PCDHGC5: variants seen among roughly 807,000 people sequenced by gnomAD.
The protein encoded by PCDHGC5 is protocadherin gamma subfamily C, 5.
In PCDHGC5, 25 loss-of-function variants were observed where a neutral mutation model predicts 59.0. The ratio of observed to expected loss-of-function variants is 0.42; its 90% CI spans 0.31 to 0.59. PCDHGC5 has a LOEUF of 0.59. Ranked by LOEUF, PCDHGC5 falls within the 20% of genes least tolerant of loss-of-function variation. PCDHGC5 has a pLI of 0.13. For synonymous variants in PCDHGC5, 434 were observed against 505.5 expected (o/e 0.86, Z 1.90); for missense variants, 1,067 against 1,206.4 (o/e 0.88, Z 1.71).
chr5:141,510,833 C>T (rs2099882936), intron 3 of PCDHGC5, 114 bp from the exon 4 acceptor site: 46 of 1,577,678 alleles, frequency 2.9e-5, no homozygotes, highest in South Asian at 2.5e-4. Context: ...CAGTGCTCAG[C>T]GTGGTCAAGG....
At chr5:141,499,423 GA>G (rs1229901490) in intron 2 of PCDHGC5, among the ~76,000 whole-genome samples, 3 of 151,756 alleles carry the variant, frequency 2.0e-5, no homozygotes, top group Non-Finnish European at 2.9e-5. Flanking sequence ...ATGAAAAATA[GA>G]AAAAAAATTA....
chr5:141,509,144 G>C (rs969990007), intron 3 of PCDHGC5, among the ~76,000 whole-genome samples: 14 of 152,114 alleles, frequency 9.2e-5, no homozygotes, highest in Admixed American at 2.0e-4. Context: ...GGCGCATCCC[G>C]GCTCTCCCCT....
chr5:141,492,740 C>T (rs1364102818), intron 1 of PCDHGC5, among the ~76,000 whole-genome samples: 1 of 152,238 alleles, frequency 6.6e-6, no homozygotes, highest in African/African-American at 2.4e-5. Context: ...GCCCAGTGGC[C>T]GAGGCGCGGC....
In PCDHGC5 at chr5:141,511,618, T is replaced by C. The variant is rs1227028784; in HGVS notation, c.*445T>C. 4.3e-6 allele frequency: 1 copy of C among 232,232 alleles called. No homozygotes were observed. Among genetic ancestry groups the C allele is most frequent in the East Asian group, 9.9e-5 (1 of 10,122 alleles). 14.4% of individuals were successfully genotyped at this position (232,232 alleles called of 1,614,324 possible). A position where few individuals can be genotyped will look rare whatever the true frequency, so the allele number is the denominator to read the frequency against. ...AAGTAACCTACAAGCCTCCTAGTTCTGAAAAGTTGGAAGGGCATCATGACC... is the reference window on the plus strand; with the variant it reads ...AAGTAACCTACAAGCCTCCTAGTTCCGAAAAGTTGGAAGGGCATCATGACC... On this transcript the variant is annotated 3_prime_UTR_variant, in exon 4 of 4. Transcript: ENST00000252087.
Position 141,491,034 on chromosome 5 carries a change from T to G in PCDHGC5, c.1794T>G (p.Asp598Glu), listed in dbSNP as rs375902824. 1 of 1,614,170 alleles carries G rather than the reference T, an allele frequency of 6.2e-7. No homozygotes were observed. The highest frequency in any genetic ancestry group is 8.5e-7 in the Non-Finnish European group (1 of 1,180,024). The change falls in exon 1 of 4, where the codon GAT becomes GAG. Residue 598 changes from aspartate to glutamate, a missense_variant. Asp to Glu is a conservative substitution (Grantham distance 45). Coordinates refer to ENST00000252087, the MANE Select transcript of PCDHGC5 (RefSeq NM_018929.3). The surrounding 1 kb of genome is among the most constrained non-coding windows in gnomAD (Gnocchi z 6.9). ...LVTKVTAVDADAGHNAWLSYS... is the reference protein window; with the variant it reads ...LVTKVTAVDAEAGHNAWLSYS... ...CCAAGGTGACAGCCGTGGATGCTGATGCAGGCCACAATGCGTGGCTCTCCT... is the reference window on the plus strand; with the variant it reads ...CCAAGGTGACAGCCGTGGATGCTGAGGCAGGCCACAATGCGTGGCTCTCCT...
chr5:141,503,221 C>T (rs528636727), intron 2 of PCDHGC5, among the ~76,000 whole-genome samples: 34 of 152,074 alleles, frequency 2.2e-4, no homozygotes, highest in Middle Eastern at 6.8e-3. Flanking sequence ...CCATGAGCAC[C>T]GTAAAGATGG....
chr5:141,499,996 C>A (rs1246090346), intron 2 of PCDHGC5, among the ~76,000 whole-genome samples: 2 of 151,572 alleles, frequency 1.3e-5, no homozygotes, highest in Non-Finnish European at 2.9e-5. Flanking sequence ...CCAGATGATT[C>A]TTTCATAAGG....
At chr5:141,505,666 G>T (rs904221281) in intron 3 of PCDHGC5, among the ~76,000 whole-genome samples, 185 bp downstream of exon 3, 3 of 152,180 alleles carry the variant, frequency 2.0e-5, no homozygotes, top group Non-Finnish European at 4.4e-5. Context: ...ACAGCAGAGG[G>T]GTTGGGGGTC....
rs1596259997 is a variant in PCDHGC5, at chr5:141,509,990, A to G, written c.2609-957A>G. Among the ~76,000 whole-genome samples the G allele has an allele frequency of 2.6e-5, 4 of 152,266 alleles. No individual in the cohort carries two copies. The South Asian group carries it at 8.3e-4, about 32-fold the overall frequency. ...GGTCCTTCTAACACTTGGTTCCCTC[A>G]TCTGTAAAATGAGGGTCATACCACA... is the stretch of plus-strand genomic sequence containing the variant. On this transcript the variant is annotated intron_variant, in intron 3 of 3. Transcript: ENST00000252087.
At chr5:141,498,796 G>A (rs1160540093) in intron 2 of PCDHGC5, among the ~76,000 whole-genome samples, 1 of 152,032 alleles carries the variant, frequency 6.6e-6, no homozygotes, top group Non-Finnish European at 1.5e-5. Context: ...AGCCAGGTGT[G>A]GTGGTGCACA....
At chr5:141,499,689 C>CTTT (rs545067566) in intron 2 of PCDHGC5, among the ~76,000 whole-genome samples, 57 of 119,830 alleles carry the variant, frequency 4.8e-4, no homozygotes, top group Non-Finnish European at 6.2e-4. Context: ...TAACAGATGA[C>CTTT]TTTTTTTTTT....
intron 3 of PCDHGC5, among the ~76,000 whole-genome samples, chr5:141,510,054 G>A (rs1166696269): frequency 1.3e-5 from 2 of 152,180 alleles, no homozygotes; most frequent in Non-Finnish European, 2.9e-5. Context: ...AAAAGTGATT[G>A]TGCATGTGAA....
chr5:141,508,979 G>A (rs1317798009), intron 3 of PCDHGC5, among the ~76,000 whole-genome samples: 1 of 152,110 alleles, frequency 6.6e-6, no homozygotes, highest in Non-Finnish European at 1.5e-5. Context: ...GCTGGGGGTG[G>A]GGGCCAGCTG....
chr5:141,489,178 C>T lies in PCDHGC5; in HGVS notation c.-63C>T, dbSNP rs909255357. ...GAGACTTCAGCTGCTGCATTCCAAG[C>T]CCTGGGTCTACCTTGGAGACAGGAC... On this transcript the variant is annotated 5_prime_UTR_variant, in exon 1 of 4. Transcript: ENST00000252087. This position sits in a 1 kb window ranked among gnomAD's most constrained non-coding sequence, Gnocchi z 4.5. 54 of 1,234,872 alleles carry T rather than the reference C, an allele frequency of 4.4e-5. 1 individual carries two copies. In the East Asian group the frequency reaches 1.2e-3, roughly 29 times the overall value. 76.5% of individuals were successfully genotyped at this position (1,234,872 alleles called of 1,614,324 possible). A position where few individuals can be genotyped will look rare whatever the true frequency, so the allele number is the denominator to read the frequency against.
rs368512862 is a variant in PCDHGC5 at position 141,491,734 on chromosome 5, G to T, written c.2460+34G>T. ...CTCGGCGCCGCCCCGGGCGACCCCT[G>T]GGGGCGGCACTGGAGAAGCCGCCCG... On this transcript the variant is annotated intron_variant, in intron 1 of 3. Transcript: ENST00000252087. The surrounding 1 kb of genome is among the most constrained non-coding windows in gnomAD (Gnocchi z 6.9). 2.5e-4 allele frequency: 403 copies of T among 1,602,056 alleles called. No individual in the cohort carries two copies. Among genetic ancestry groups the T allele is most frequent in the Non-Finnish European group, 3.2e-4 (380 of 1,174,948 alleles).
At chr5:141,508,682 C>G (rs2099870913) in intron 3 of PCDHGC5, among the ~76,000 whole-genome samples, 1 of 152,080 alleles carries the variant, frequency 6.6e-6, no homozygotes, top group Non-Finnish European at 1.5e-5. Context: ...TCCCTTCTCC[C>G]TGCTTCTCCG....
At chr5:141,501,238 G>A (rs1482962385) in intron 2 of PCDHGC5, among the ~76,000 whole-genome samples, 2 of 151,018 alleles carry the variant, frequency 1.3e-5, no homozygotes, top group African/African-American at 4.9e-5. Flanking sequence ...AGTTTTTTGA[G>A]CATGATGTAG....
chr5:141,492,919 C>A (rs1019663003), intron 1 of PCDHGC5, among the ~76,000 whole-genome samples: 1 of 152,192 alleles, frequency 6.6e-6, no homozygotes, highest in Non-Finnish European at 1.5e-5. Context: ...ATGTGCCCAG[C>A]GATCTAGGGT....
chr5:141,510,251 C>G (rs569804850), intron 3 of PCDHGC5, among the ~76,000 whole-genome samples: 1 of 144,724 alleles, frequency 6.9e-6, no homozygotes, highest in African/African-American at 2.6e-5. Flanking sequence ...CCAGGCTGGG[C>G]GACAGAGCAG....
Sources: allele counts gnomAD v4.1 joint callset (sites outside exome capture counted in the v4.1 genomes callset), GRCh38; gene constraint gnomAD v4.1.1; non-coding constraint Gnocchi (gnomAD v3.1); transcripts MANE v1.5; gene names NCBI Gene and HGNC (gene_info 2026-07-23, HGNC 2026-07-21).